VWDE: variants seen among roughly 807,000 people sequenced by gnomAD.
VWDE encodes the protein von Willebrand factor D and EGF domain-containing protein.
VWDE carries 207 observed loss-of-function variants against 178.4 expected under a neutral mutation model. That is an observed-to-expected ratio of 1.16 (90% CI 1.04 to 1.30). VWDE has a LOEUF of 1.30. VWDE is among the 50% of genes most tolerant of loss of function. The probability of loss-of-function intolerance (pLI) is 0.00; values close to 1 mark genes in which losing one functional copy is unlikely to be tolerated. For synonymous variants in VWDE, 738 were observed against 651.4 expected (o/e 1.13, Z -2.02); for missense variants, 2,287 against 1,901.3 (o/e 1.20, Z -3.77).
intron 10 of VWDE, among the ~76,000 whole-genome samples, chr7:12,372,437 T>C (rs960581000): frequency 2.6e-5 from 4 of 152,064 alleles, no homozygotes; most frequent in Non-Finnish European, 5.9e-5. Context: ...ATTACTTGTT[T>C]GAAAGATGAA....
chr7:12,365,042 T>G (rs1782785103), intron 13 of VWDE, among the ~76,000 whole-genome samples: 1 of 151,904 alleles, frequency 6.6e-6, no homozygotes, highest in Non-Finnish European at 1.5e-5. Context: ...AAGAACCAAG[T>G]GTGCAAAAGA....
At chr7:12,370,605 C>T (rs1783130369) in intron 11 of VWDE, 51 bp downstream of exon 11, 10 of 1,535,322 alleles carry the variant, frequency 6.5e-6, no homozygotes, top group South Asian at 3.7e-5. Flanking sequence ...AGCCACCACC[C>T]GTTTTAAGTC....
At chr7:12,374,982 T>C in intron 8 of VWDE, 28 bp downstream of exon 8, 1 of 1,524,990 alleles carries the variant, frequency 6.6e-7, no homozygotes, top group Non-Finnish European at 8.9e-7. Context: ...AAGCTTCACT[T>C]GCAGTATTAG....
chr7:12,353,829 C>A (rs1239231964), intron 18 of VWDE: 2 of 152,344 alleles, frequency 1.3e-5, no homozygotes, highest in Non-Finnish European at 2.9e-5. Flanking sequence ...CTAGCTCCAA[C>A]TCTTGTAGCA....
intron 4 of VWDE, among the ~76,000 whole-genome samples, chr7:12,382,365 T>C (rs1224923232): frequency 6.6e-6 from 1 of 151,828 alleles, no homozygotes; most frequent in East Asian, 1.9e-4. Flanking sequence ...ATGAATATTG[T>C]TTTATTACTT....
rs766714325 is a variant in VWDE, at chr7:12,367,539, C to T, written c.2762-46G>A. The T allele has an allele frequency of 5.1e-6, 7 of 1,378,592 alleles. No homozygotes were observed. In the South Asian group the frequency reaches 1.1e-4, roughly 23 times the overall value. 85.4% of individuals were successfully genotyped at this position (1,378,592 alleles called of 1,614,324 possible). ...AAATACTACATATTTTACTTAATTT[C>T]AGAAAAAAAAACTAATTATTTCCAA... is the stretch of plus-strand genomic sequence containing the variant. On this transcript the variant is annotated intron_variant, in intron 12 of 28. Transcript: ENST00000275358.
At chr7:12,358,824 T>C (rs892338562) in intron 16 of VWDE, among the ~76,000 whole-genome samples, 1 of 152,232 alleles carries the variant, frequency 6.6e-6, no homozygotes. Context: ...ACTACATTTT[T>C]CCTCAAATTT....
chr7:12,396,956 A>T (rs1784656556), intron 1 of VWDE, among the ~76,000 whole-genome samples: 1 of 152,040 alleles, frequency 6.6e-6, no homozygotes, highest in Non-Finnish European at 1.5e-5. Flanking sequence ...TCAAACAAAC[A>T]AAAAAGAATC....
intron 13 of VWDE, among the ~76,000 whole-genome samples, chr7:12,362,337 T>C (rs1782633376): frequency 6.6e-6 from 1 of 152,100 alleles, no homozygotes. Context: ...TTCTTGATTC[T>C]CTAAGAAATA....
intron 23 of VWDE, among the ~76,000 whole-genome samples, chr7:12,340,721 G>A (rs1781282986): frequency 6.6e-6 from 1 of 152,178 alleles, no homozygotes; most frequent in African/African-American, 2.4e-5. Flanking sequence ...CAAGAATGTA[G>A]AGGCTATGAT....
rs537417881 is a variant in VWDE, at chr7:12,376,383, C to G, written c.1025-1156G>C. On this transcript the variant is annotated intron_variant, in intron 7 of 28. Coordinates refer to ENST00000275358, the MANE Select transcript of VWDE (RefSeq NM_001135924.3). Reference sequence around the variant, plus strand: ...GATGAGGGGTATCCAGAATGAAATCCAGAATTTTTTCTTCAACAAACAAAA... The same window carrying G: ...GATGAGGGGTATCCAGAATGAAATCGAGAATTTTTTCTTCAACAAACAAAA... 3.9e-3 allele frequency among the ~76,000 whole-genome samples: 592 copies of G among 152,114 alleles called. 3 individuals are homozygous for G. Among genetic ancestry groups the G allele is most frequent in the African/African-American group, 0.013 (554 of 41,542 alleles).
intron 19 of VWDE, among the ~76,000 whole-genome samples, chr7:12,348,706 C>A (rs1373973435): frequency 6.7e-6 from 1 of 149,514 alleles, no homozygotes; most frequent in Non-Finnish European, 1.5e-5. Context: ...TACCATTTGA[C>A]CCAGCCATCC....
chr7:12,364,674 A>G (rs1379564677), intron 13 of VWDE, among the ~76,000 whole-genome samples: 1 of 152,144 alleles, frequency 6.6e-6, no homozygotes, highest in East Asian at 1.9e-4. Flanking sequence ...ATATGTGTAG[A>G]AGAAATGATG....
chr7:12,333,158 G>A (rs1331334575), intron 28 of VWDE, among the ~76,000 whole-genome samples: 2 of 152,212 alleles, frequency 1.3e-5, no homozygotes, highest in African/African-American at 4.8e-5. Flanking sequence ...TATAGCACTG[G>A]CCCTACAAAT....
At chr7:12,382,816 C>T (rs563276747) in intron 4 of VWDE, among the ~76,000 whole-genome samples, 2 of 151,866 alleles carry the variant, frequency 1.3e-5, no homozygotes, top group South Asian at 4.1e-4. Context: ...CATTTTATCA[C>T]TTAGATAATC....
intron 19 of VWDE, among the ~76,000 whole-genome samples, chr7:12,348,907 T>C (rs1781764999): frequency 6.6e-6 from 1 of 151,842 alleles, no homozygotes; most frequent in South Asian, 2.1e-4. Flanking sequence ...TAAAAAATGA[T>C]GAGTTCATGT....
At chr7:12,341,461 G>A (rs888573414) in intron 23 of VWDE, among the ~76,000 whole-genome samples, 2 of 151,864 alleles carry the variant, frequency 1.3e-5, no homozygotes, top group African/African-American at 2.4e-5. Flanking sequence ...GTGAAACCCC[G>A]TCTCTACTAA....
chr7:12,381,332 AT>A (rs1783842639), intron 4 of VWDE, among the ~76,000 whole-genome samples: 3 of 152,260 alleles, frequency 2.0e-5, no homozygotes, highest in Admixed American at 1.3e-4. Context: ...CATTTGCAAA[AT>A]CAAATCTGGG....
rs988829503 is a variant in VWDE at position 12,369,795 on chromosome 7, C to T, written c.2511G>A (p.Met837Ile). 11 of 1,551,546 alleles carry T rather than the reference C, an allele frequency of 7.1e-6. No individual in the cohort carries two copies. The highest frequency in any genetic ancestry group is 9.6e-6 in the Non-Finnish European group (11 of 1,146,904). ...CTTTTAACAGAACATCCTTCACACACATCTCTATAACACTGTCTAATCTCT... is the reference window on the plus strand; with the variant it reads ...CTTTTAACAGAACATCCTTCACACATATCTCTATAACACTGTCTAATCTCT... Reference protein sequence around the residue: ...LGKRLDSVIEMCVKDVLLKDD... With the variant: ...LGKRLDSVIEICVKDVLLKDD... The change falls in exon 12 of 29, where the codon ATG becomes ATA. Residue 837 changes from methionine to isoleucine, a missense_variant. Physicochemically the swap from Met to Ile is conservative, Grantham distance 10 (BLOSUM62 1). Transcript: ENST00000275358.
Sources: gnomAD v4.1 joint callset for allele counts (sites outside exome capture counted in the v4.1 genomes callset) on GRCh38, gnomAD v4.1.1 for gene constraint, MANE v1.5 for transcripts, NCBI Gene and HGNC (gene_info 2026-07-23, HGNC 2026-07-21) for gene names.